Variants in CNTN5 observed in about 807,000 individuals in gnomAD.
CNTN5 encodes the protein contactin-5.
Under a neutral mutation model 129.1 loss-of-function variants are expected in CNTN5, and 77 were observed. The ratio of observed to expected loss-of-function variants is 0.60; its 90% CI spans 0.50 to 0.72. The LOEUF is 0.72. CNTN5 is among the 30% of genes least tolerant of loss of function. The pLI, the probability that CNTN5 is intolerant of heterozygous loss-of-function variation, is 0.00. For missense variants in CNTN5, 1,478 were observed against 1,328.8 expected (o/e 1.11, Z -1.75); for synonymous variants, 509 against 465.6 (o/e 1.09, Z -1.20).
At chr11:99,882,866 C>T (rs1206288174) in intron 6 of CNTN5, among the ~76,000 whole-genome samples, 1 of 152,076 alleles carries the variant, frequency 6.6e-6, no homozygotes, top group African/African-American at 2.4e-5. Context: ...TTTATTCCCC[C>T]CACCTCCATT....
chr11:100,324,528 C>T (rs1410057200), intron 21 of CNTN5, among the ~76,000 whole-genome samples: 1 of 152,144 alleles, frequency 6.6e-6, no homozygotes, highest in African/African-American at 2.4e-5. Context: ...TCTCACAAAA[C>T]ATATTCAAGT....
At chr11:99,759,125 C>A (rs948837695) in intron 3 of CNTN5, among the ~76,000 whole-genome samples, 1 of 151,912 alleles carries the variant, frequency 6.6e-6, no homozygotes, top group African/African-American at 2.4e-5. Context: ...CCCCATTATG[C>A]AGAAGAAAGA....
At chr11:99,975,168 G>GTT (rs202136709) in intron 8 of CNTN5, among the ~76,000 whole-genome samples, 2 of 149,610 alleles carry the variant, frequency 1.3e-5, no homozygotes, top group Non-Finnish European at 1.5e-5. Context: ...AGGAGGAAAA[G>GTT]TTTTTTTTTT....
intron 1 of CNTN5, among the ~76,000 whole-genome samples, chr11:99,094,569 G>A (rs1255280756): frequency 6.6e-6 from 1 of 152,096 alleles, no homozygotes; most frequent in African/African-American, 2.4e-5. Context: ...AGATAAGACA[G>A]CGCTAACATG....
intron 3 of CNTN5, among the ~76,000 whole-genome samples, chr11:99,769,735 A>G: frequency 6.7e-6 from 1 of 150,280 alleles, no homozygotes; most frequent in South Asian, 2.1e-4. Flanking sequence ...AATTGCTTTA[A>G]CCCAGGAGGC....
chr11:99,255,773 CACACATACATGCATAA>C (rs1246846042), intron 1 of CNTN5, among the ~76,000 whole-genome samples: 2 of 151,050 alleles, frequency 1.3e-5, no homozygotes, highest in African/African-American at 4.9e-5. Context: ...TTTATATATA[CACACATACATGCATAA>C]ACACACACAC....
At chr11:99,290,392 G>A (rs1268242518) in intron 1 of CNTN5, among the ~76,000 whole-genome samples, 1 of 151,708 alleles carries the variant, frequency 6.6e-6, no homozygotes, top group Non-Finnish European at 1.5e-5. Flanking sequence ...CACACCTCCA[G>A]GAATTCTTAA....
chr11:99,544,948 A>T (rs956251873), intron 2 of CNTN5, among the ~76,000 whole-genome samples: 1 of 152,204 alleles, frequency 6.6e-6, no homozygotes, highest in Admixed American at 6.5e-5. Flanking sequence ...TTTTTCCTTC[A>T]TTGAGATTTC....
intron 13 of CNTN5, 94 bp from the exon 14 acceptor site, chr11:100,191,031 CA>C (rs1265666469): frequency 2.8e-6 from 2 of 717,300 alleles, no homozygotes; most frequent in Non-Finnish European, 4.4e-6. Context: ...TACTTATTAT[CA>C]CCCTAGAAAT....
chr11:100,178,956 T>G (rs1315714300), intron 13 of CNTN5, among the ~76,000 whole-genome samples: 3 of 152,164 alleles, frequency 2.0e-5, no homozygotes, highest in Admixed American at 2.0e-4. Context: ...TTCACATTTT[T>G]GTGGGTACAT....
chr11:99,146,869 G>A (rs778064914), intron 1 of CNTN5, among the ~76,000 whole-genome samples: 2 of 151,872 alleles, frequency 1.3e-5, no homozygotes, highest in African/African-American at 2.4e-5. Context: ...CTACAGGCAC[G>A]TGCCACCACA....
chr11:100,133,151 T>G (rs1280994350), intron 13 of CNTN5, among the ~76,000 whole-genome samples: 1 of 152,164 alleles, frequency 6.6e-6, no homozygotes, highest in Non-Finnish European at 1.5e-5. Context: ...CACTGATGTT[T>G]ATATGCAGTC....
chr11:99,922,262 C>T (rs748506060), intron 7 of CNTN5, among the ~76,000 whole-genome samples: 1 of 152,110 alleles, frequency 6.6e-6, no homozygotes, highest in Non-Finnish European at 1.5e-5. Flanking sequence ...CATGAGAACA[C>T]AATGGGAAAA....
At chr11:99,738,984 A>T (rs1943804171) in intron 3 of CNTN5, among the ~76,000 whole-genome samples, 1 of 152,180 alleles carries the variant, frequency 6.6e-6, no homozygotes. Flanking sequence ...GATACCTTAC[A>T]AGGCCCAGAT....
intron 2 of CNTN5, among the ~76,000 whole-genome samples, chr11:99,442,674 T>A (rs1273409865): frequency 6.6e-6 from 1 of 152,222 alleles, no homozygotes; most frequent in Non-Finnish European, 1.5e-5. Flanking sequence ...AACAAAGACA[T>A]ATAAAACCAG....
At chr11:100,099,594 G>A (rs1031937666) in intron 13 of CNTN5, among the ~76,000 whole-genome samples, 1 of 151,846 alleles carries the variant, frequency 6.6e-6, no homozygotes, top group African/African-American at 2.4e-5. Flanking sequence ...AACATTCCAC[G>A]TATTTTAATG....
chr11:99,378,744 T>A (rs988374692), intron 2 of CNTN5, among the ~76,000 whole-genome samples: 11 of 151,968 alleles, frequency 7.2e-5, no homozygotes, highest in Admixed American at 5.9e-4. Context: ...TAGGCTAGGT[T>A]TAAAAAAAAG....
chr11:99,785,595 A>G (rs2135409486), intron 3 of CNTN5, among the ~76,000 whole-genome samples: 1 of 152,294 alleles, frequency 6.6e-6, no homozygotes, highest in Non-Finnish European at 1.5e-5. Flanking sequence ...AATATCCTCA[A>G]TAAAATCACT....
chr11:99,881,055 G>A (rs1302000222), intron 6 of CNTN5, among the ~76,000 whole-genome samples: 1 of 152,110 alleles, frequency 6.6e-6, no homozygotes, highest in African/African-American at 2.4e-5. Context: ...AATTAAAACT[G>A]GCAGCAATTA....
Sources: allele counts gnomAD v4.1 joint callset (sites outside exome capture counted in the v4.1 genomes callset), GRCh38; gene constraint gnomAD v4.1.1; transcripts MANE v1.5; gene names NCBI Gene and HGNC (gene_info 2026-07-23, HGNC 2026-07-21).